MEGF10: variants seen among roughly 807,000 people sequenced by gnomAD.
MEGF10 encodes multiple epidermal growth factor-like domains protein 10.
In MEGF10, 86 loss-of-function variants were observed where a neutral mutation model predicts 147.5. The observed-to-expected ratio is 0.58, with a 90% CI of 0.49 to 0.70. The LOEUF (loss-of-function observed/expected upper bound fraction) is 0.70, where lower values mean the gene tolerates loss of function less well. MEGF10 is among the 30% of genes least tolerant of loss of function. MEGF10 has a pLI of 0.00. For synonymous variants in MEGF10, 478 were observed against 525.5 expected (o/e 0.91, Z 1.24); for missense variants, 1,329 against 1,487.3 (o/e 0.89, Z 1.75).
intron 10 of MEGF10, among the ~76,000 whole-genome samples, 153 bp downstream of exon 10, chr5:127,417,965 A>C (rs1434088277): frequency 6.6e-6 from 1 of 152,228 alleles, no homozygotes; most frequent in African/African-American, 2.4e-5. Context: ...AAAAATGCTA[A>C]TAGAGATATA....
intron 2 of MEGF10, among the ~76,000 whole-genome samples, chr5:127,332,477 G>A (rs924319338): frequency 6.6e-6 from 1 of 152,268 alleles, no homozygotes; most frequent in Admixed American, 6.5e-5. Context: ...CTCAAGCACA[G>A]CAGTGGTATT....
chr5:127,438,319 A>T, intron 16 of MEGF10, 120 bp from the exon 17 acceptor site: 1 of 1,110,888 alleles, frequency 9.0e-7, no homozygotes, highest in Non-Finnish European at 1.3e-6. Flanking sequence ...GTGCTTTCTT[A>T]GTCCTGATGT....
intron 1 of MEGF10, among the ~76,000 whole-genome samples, chr5:127,303,375 A>T (rs1411905114): frequency 2.0e-5 from 3 of 149,288 alleles, no homozygotes; most frequent in Admixed American, 2.0e-4. Context: ...TTGGAAGTGT[A>T]GGTTGGAGCC....
chr5:127,447,775 G>GT (rs1285143427), intron 21 of MEGF10, 91 bp downstream of exon 21: 1 of 1,488,332 alleles, frequency 6.7e-7, no homozygotes, highest in East Asian at 2.3e-5. Context: ...ACCAGAGGCT[G>GT]TTCTAGGTAC....
At chr5:127,245,040 GTA>G in the MEGF10 span, among the ~76,000 whole-genome samples, 1 of 152,052 alleles carries the variant, frequency 6.6e-6, no homozygotes, top group Non-Finnish European at 1.5e-5. Context: ...CCAAAGTAAT[GTA>G]TAGATTCAAT....
chr5:127,424,564 C>T (rs1240704758), intron 13 of MEGF10: 2 of 1,391,366 alleles, frequency 1.4e-6, no homozygotes, highest in African/African-American at 2.9e-5. Context: ...ATGTTGAGAG[C>T]TTCTTTGGTT....
the MEGF10 span, among the ~76,000 whole-genome samples, chr5:127,251,556 GAATTACTTTACA>G: frequency 6.6e-6 from 1 of 152,030 alleles, no homozygotes; most frequent in South Asian, 2.1e-4. Context: ...GTAGGAAAAT[GAATTACTTTACA>G]AATTAGGGTG....
intron 20 of MEGF10, 83 bp from the exon 21 acceptor site, chr5:127,447,474 G>A: frequency 1.3e-6 from 2 of 1,586,414 alleles, no homozygotes; most frequent in African/African-American, 1.3e-5. Context: ...ACCTCGCTGG[G>A]CCTGTTTTGT....
chr5:127,386,166 G>C (rs375154040), intron 5 of MEGF10, among the ~76,000 whole-genome samples: 2 of 152,090 alleles, frequency 1.3e-5, no homozygotes, highest in African/African-American at 2.4e-5. Flanking sequence ...GTTCACCTAG[G>C]GTTTGTTTAC....
intron 1 of MEGF10, among the ~76,000 whole-genome samples, chr5:127,308,045 C>G (rs1261534496): frequency 1.3e-5 from 2 of 152,290 alleles, no homozygotes; most frequent in East Asian, 1.9e-4. Flanking sequence ...TTGGGAAGTG[C>G]AGCGTGACTT....
the MEGF10 span, among the ~76,000 whole-genome samples, chr5:127,236,106 G>C: frequency 6.6e-6 from 1 of 152,056 alleles, no homozygotes; most frequent in African/African-American, 2.4e-5. Context: ...CCAAGTAGCT[G>C]GGACTACAGG....
chr5:127,339,171 C>T lies in MEGF10; in HGVS notation c.168C>T (p.Tyr56=), dbSNP rs1418670494. The change falls in exon 3 of 25, where the codon TAC becomes TAT. Residue 56 remains tyrosine, a synonymous_variant. Coordinates refer to ENST00000503335, the MANE Select transcript of MEGF10 (RefSeq NM_001256545.2). ...ESYPHPFDQI[Y]YTSCTDILNW... is the part of the protein sequence containing the mutation. ...ACCCACATCCCTTTGATCAAATTTA[C>T]TACACGAGCTGCACTGACATTCTAA... 1.9e-6 allele frequency: 3 copies of T among 1,612,618 alleles called. No homozygotes were observed. The highest frequency in any genetic ancestry group is 3.3e-4 in the Middle Eastern group (2 of 6,048).
At chr5:127,422,812 C>A in intron 13 of MEGF10, 40 bp downstream of exon 13, 1 of 1,405,538 alleles carries the variant, frequency 7.1e-7, no homozygotes, top group Non-Finnish European at 1.0e-6. Context: ...TGAAACCCGC[C>A]AATTTAACAC....
chr5:127,396,571 G>A lies in MEGF10; in HGVS notation c.452G>A (p.Arg151Gln), dbSNP rs78069165. 9.1e-5 allele frequency: 145 copies of A among 1,594,694 alleles called. No homozygotes were observed. In the African/African-American group the frequency reaches 1.0e-3, roughly 11 times the overall value. The change falls in exon 6 of 25, where the codon CGG becomes CAG. Residue 151 changes from arginine to glutamine, a missense_variant. Around this residue, in one of 3 missense-constraint regions of MEGF10, gnomAD observed 980 missense variants for 1,085.9 expected, o/e 0.90. Transcript: ENST00000503335. ...GDHWGPHCTS[R>Q]CQCKNGALCN... ...CACTGGGGTCCCCACTGCACCAGCCGGTGCCAGTGCAAAAATGGGGCTCTG... is the reference window on the plus strand; with the variant it reads ...CACTGGGGTCCCCACTGCACCAGCCAGTGCCAGTGCAAAAATGGGGCTCTG...
chr5:127,248,054 A>G, the MEGF10 span, among the ~76,000 whole-genome samples: 1 of 152,266 alleles, frequency 6.6e-6, no homozygotes, highest in South Asian at 2.1e-4. Flanking sequence ...GAGATATTGC[A>G]GTCTTAGCCC....
At chr5:127,447,167 GT>G (rs1230544084) in intron 20 of MEGF10, among the ~76,000 whole-genome samples, 1 of 151,944 alleles carries the variant, frequency 6.6e-6, no homozygotes, top group Non-Finnish European at 1.5e-5. Flanking sequence ...CATTTGTTCA[GT>G]TATTTATTTA....
intron 4 of MEGF10, among the ~76,000 whole-genome samples, chr5:127,368,935 A>G (rs1312491301): frequency 6.6e-6 from 1 of 152,212 alleles, no homozygotes; most frequent in Non-Finnish European, 1.5e-5. Flanking sequence ...AAGGTTCTAC[A>G]TCCACAAAAA....
At chr5:127,444,340 T>C (rs1044224485) in intron 19 of MEGF10, 1 of 152,372 alleles carries the variant, frequency 6.6e-6, no homozygotes, top group East Asian at 1.9e-4. Context: ...CATTTGACTG[T>C]CATAACAATA....
the MEGF10 span, among the ~76,000 whole-genome samples, chr5:127,266,392 T>C: frequency 6.6e-6 from 1 of 152,200 alleles, no homozygotes; most frequent in Non-Finnish European, 1.5e-5. Flanking sequence ...TAGGATTGTC[T>C]TGGAAATGTG....
Sources: allele counts gnomAD v4.1 joint callset (sites outside exome capture counted in the v4.1 genomes callset), GRCh38; gene constraint gnomAD v4.1.1; regional missense constraint gnomAD v4.1.1; transcripts MANE v1.5; gene names NCBI Gene and HGNC (gene_info 2026-07-23, HGNC 2026-07-21).